ETV6: variants seen among roughly 807,000 people sequenced by gnomAD.
The protein encoded by ETV6 is transcription factor ETV6.
In ETV6, 16 loss-of-function variants were observed where a neutral mutation model predicts 51.1. That is an observed-to-expected ratio of 0.31 (90% confidence interval 0.21 to 0.48). The LOEUF (loss-of-function observed/expected upper bound fraction) is 0.48. Ranked by LOEUF, ETV6 falls within the 20% of genes least tolerant of loss-of-function variation. ETV6 has a pLI of 0.99. For synonymous variants in ETV6, 240 were observed against 224.1 expected, an observed-to-expected ratio of 1.07 and a Z score of -0.64; for missense variants, 458 against 594.8, an observed-to-expected ratio of 0.77 and a Z score of 2.39.
intron 1 of ETV6, among the ~76,000 whole-genome samples, chr12:11,680,973 A>G (rs1011896117): frequency 3.9e-5 from 6 of 152,160 alleles, no homozygotes; most frequent in African/African-American, 1.4e-4. Context: ...TTGCACCATC[A>G]TATATAGGTA....
intron 5 of ETV6, among the ~76,000 whole-genome samples, chr12:11,871,998 G>T (rs540977107): frequency 6.6e-6 from 1 of 152,212 alleles, no homozygotes; most frequent in Non-Finnish European, 1.5e-5. Context: ...GACCCATCTC[G>T]TGCTTTCCAG....
chr12:11,892,945 C>T lies in ETV6; in HGVS notation c.*1899C>T. ...TGCCTCTTATCAGAGCACAGGTAGACACACGGGCATAGCCAGCCCACTCCT... is the reference window on the plus strand; with the variant it reads ...TGCCTCTTATCAGAGCACAGGTAGATACACGGGCATAGCCAGCCCACTCCT... On this transcript the variant is annotated 3_prime_UTR_variant, in exon 8 of 8. Coordinates refer to ENST00000396373, the MANE Select transcript of ETV6 (RefSeq NM_001987.5). 4.3e-6 allele frequency: 1 copy of T among 233,148 alleles called. No individual in the cohort carries two copies. The highest frequency in any genetic ancestry group is 8.5e-6 in the Non-Finnish European group (1 of 117,970). 14.4% of individuals were successfully genotyped at this position (233,148 alleles called of 1,614,324 possible).
At chr12:11,889,700 A>G (rs185530851) in intron 7 of ETV6, among the ~76,000 whole-genome samples, 1 of 152,354 alleles carries the variant, frequency 6.6e-6, no homozygotes, top group East Asian at 1.9e-4. Context: ...CATTGGGTTC[A>G]TACTGATGAA....
intron 1 of ETV6, among the ~76,000 whole-genome samples, chr12:11,653,698 A>C (rs1863947880): frequency 6.6e-6 from 1 of 152,202 alleles, no homozygotes; most frequent in East Asian, 1.9e-4. Flanking sequence ...ACTTTCATCC[A>C]CTGGCTTGCT....
intron 1 of ETV6, among the ~76,000 whole-genome samples, chr12:11,679,656 C>G (rs1311152923): frequency 6.6e-6 from 1 of 152,180 alleles, no homozygotes; most frequent in African/African-American, 2.4e-5. Flanking sequence ...TCTATTTATT[C>G]TTGTCACTCT....
At chr12:11,656,274 A>T (rs145898479) in intron 1 of ETV6, among the ~76,000 whole-genome samples, 11 of 152,346 alleles carry the variant, frequency 7.2e-5, no homozygotes, top group Admixed American at 2.0e-4. Flanking sequence ...TGGCAAAGCT[A>T]AGGCCAGAAT....
intron 4 of ETV6, among the ~76,000 whole-genome samples, chr12:11,865,182 T>C (rs1216597696): frequency 1.4e-5 from 2 of 138,360 alleles, no homozygotes; most frequent in African/African-American, 5.5e-5. Flanking sequence ...ACCCGGGAGG[T>C]GGAGCTTGCA....
At chr12:11,863,689 T>C (rs1294532200) in intron 4 of ETV6, among the ~76,000 whole-genome samples, 2 of 152,234 alleles carry the variant, frequency 1.3e-5, no homozygotes, top group African/African-American at 2.4e-5. Context: ...GGGGATTTAA[T>C]GCACCCACTG....
At chr12:11,676,209 A>G (rs1338394659) in intron 1 of ETV6, among the ~76,000 whole-genome samples, 1 of 152,200 alleles carries the variant, frequency 6.6e-6, no homozygotes, top group Non-Finnish European at 1.5e-5. Flanking sequence ...CAGAGCACAC[A>G]GCTTTATGCC....
intron 1 of ETV6, among the ~76,000 whole-genome samples, chr12:11,719,797 G>A (rs747468202): frequency 1.1e-4 from 16 of 152,212 alleles, no homozygotes; most frequent in Non-Finnish European, 1.5e-4. Context: ...GATGAGGACT[G>A]GTAACAGACC....
At chr12:11,689,604 C>G (rs2120784935) in intron 1 of ETV6, among the ~76,000 whole-genome samples, 1 of 129,424 alleles carries the variant, frequency 7.7e-6, no homozygotes, top group Admixed American at 8.0e-5. Context: ...ACATTTAACT[C>G]CCTAGCTTTT....
At chr12:11,725,354 G>A (rs1865469094) in intron 1 of ETV6, among the ~76,000 whole-genome samples, 2 of 152,068 alleles carry the variant, frequency 1.3e-5, no homozygotes, top group South Asian at 2.1e-4. Flanking sequence ...TTTTCCTTGG[G>A]ATGTTATTTG....
chr12:11,783,921 G>C (rs1022290878), intron 2 of ETV6, among the ~76,000 whole-genome samples: 3 of 152,122 alleles, frequency 2.0e-5, no homozygotes, highest in African/African-American at 7.2e-5. Context: ...AAATGGGAGA[G>C]TGCCTGATTG....
intron 1 of ETV6, among the ~76,000 whole-genome samples, chr12:11,669,963 T>A (rs1448452799): frequency 6.6e-6 from 1 of 152,236 alleles, no homozygotes; most frequent in Non-Finnish European, 1.5e-5. Context: ...TCACACCATC[T>A]TCTTGCCCTT....
At chr12:11,659,878 G>T (rs996283423) in intron 1 of ETV6, among the ~76,000 whole-genome samples, 1 of 152,194 alleles carries the variant, frequency 6.6e-6, no homozygotes, top group African/African-American at 2.4e-5. Context: ...CTCACTTGCA[G>T]GTGTGGCCTG....
chr12:11,720,637 C>T (rs1865365122), intron 1 of ETV6, among the ~76,000 whole-genome samples: 1 of 152,110 alleles, frequency 6.6e-6, no homozygotes, highest in African/African-American at 2.4e-5. Context: ...GAAGAAAACA[C>T]AGGAAAAACC....
chr12:11,726,856 A>G (rs1565500659), intron 1 of ETV6, among the ~76,000 whole-genome samples: 1 of 152,258 alleles, frequency 6.6e-6, no homozygotes, highest in Non-Finnish European at 1.5e-5. Flanking sequence ...TTTTCCAGCC[A>G]CTGTCACACT....
intron 1 of ETV6, among the ~76,000 whole-genome samples, chr12:11,739,963 G>A (rs1411262279): frequency 2.0e-5 from 3 of 152,280 alleles, no homozygotes; most frequent in African/African-American, 4.8e-5. Context: ...GTTGCTTTAT[G>A]TGGATGGGTT....
intron 3 of ETV6, among the ~76,000 whole-genome samples, chr12:11,853,209 A>G (rs192399028): frequency 1.4e-4 from 21 of 152,370 alleles, no homozygotes; most frequent in Admixed American, 1.1e-3. Flanking sequence ...TACGATTTTC[A>G]TAATCAAAAA....
Sources: gnomAD v4.1 joint callset for allele counts (sites outside exome capture counted in the v4.1 genomes callset) on GRCh38, gnomAD v4.1.1 for gene constraint, MANE v1.5 for transcripts, NCBI Gene and HGNC (gene_info 2026-07-23, HGNC 2026-07-21) for gene names.